HMCN1: variants seen among roughly 807,000 people sequenced by gnomAD.
The protein encoded by HMCN1 is hemicentin-1.
Under a neutral mutation model 625.9 loss-of-function variants are expected in HMCN1, and 321 were observed. The ratio of observed to expected loss-of-function variants is 0.51; its 90% CI spans 0.47 to 0.56. The LOEUF is 0.56. Among genes scored for constraint, HMCN1 ranks in the 20% least tolerant of loss-of-function variants. HMCN1 has a pLI of 0.00. For missense variants in HMCN1, 6,588 were observed against 6,887.3 expected, an observed-to-expected ratio of 0.96 and a Z score of 1.54; for synonymous variants, 2,425 against 2,417.6, an observed-to-expected ratio of 1.00 and a Z score of -0.09.
At chr1:185,885,597 C>G (rs1020443470) in intron 4 of HMCN1, among the ~76,000 whole-genome samples, 4 of 151,228 alleles carry the variant, frequency 2.6e-5, no homozygotes, top group Non-Finnish European at 5.9e-5. Flanking sequence ...TTTCTATATT[C>G]AGTCCTCTAA....
intron 11 of HMCN1, among the ~76,000 whole-genome samples, chr1:185,956,088 T>A (rs1343276098): frequency 6.6e-6 from 1 of 152,152 alleles, no homozygotes; most frequent in African/African-American, 2.4e-5. Flanking sequence ...TTAATCATAT[T>A]ATATATACAC....
At chr1:185,912,630 GT>G (rs1666487637) in intron 6 of HMCN1, among the ~76,000 whole-genome samples, 1 of 151,872 alleles carries the variant, frequency 6.6e-6, no homozygotes, top group Non-Finnish European at 1.5e-5. Context: ...TGTCTTGGAG[GT>G]TTTTTCCTAG....
chr1:185,957,967 A>G (rs1016967850), intron 11 of HMCN1, among the ~76,000 whole-genome samples: 1 of 152,206 alleles, frequency 6.6e-6, no homozygotes, highest in African/African-American at 2.4e-5. Flanking sequence ...AAAACAGAGG[A>G]AAAAAATCTA....
intron 3 of HMCN1, among the ~76,000 whole-genome samples, 133 bp from the exon 4 acceptor site, chr1:185,865,582 TACACACACACACACACACACACACAC>T (rs56891910): frequency 3.7e-5 from 5 of 135,196 alleles, no homozygotes; most frequent in East Asian, 2.5e-4. Flanking sequence ...TATATAAGCA[TACACACACACACACACACACACACAC>T]ACACACACAC....
At chr1:185,847,864 G>A (rs1431339804) in intron 2 of HMCN1, among the ~76,000 whole-genome samples, 2 of 151,892 alleles carry the variant, frequency 1.3e-5, no homozygotes, top group Non-Finnish European at 2.9e-5. Flanking sequence ...GAGGGTGGAG[G>A]ATCACTTGAG....
chr1:185,965,739 C>A, intron 13 of HMCN1, 63 bp from the exon 14 acceptor site: 1 of 936,324 alleles, frequency 1.1e-6, no homozygotes, highest in Non-Finnish European at 1.8e-6. Flanking sequence ...ATTTAGTAAA[C>A]ATAAACAAAA....
chr1:186,147,390 C>CTTTTTTTTTTTTTT (rs11287093), intron 93 of HMCN1, among the ~76,000 whole-genome samples: 1 of 138,424 alleles, frequency 7.2e-6, no homozygotes. Flanking sequence ...GGCTTCATGT[C>CTTTTTTTTTTTTTT]TTTTTTTTTT....
At position 185,922,386 on chromosome 1, in the gene HMCN1, G is replaced by C. The variant is rs1438039682; in HGVS notation, c.908G>C (p.Ser303Thr). 6.2e-7 allele frequency: 1 copy of C among 1,613,390 alleles called. No homozygotes were observed. The highest frequency in any genetic ancestry group is 8.5e-7 in the Non-Finnish European group (1 of 1,179,696). The change falls in exon 7 of 107, where the codon AGC (serine) becomes ACC (threonine). Residue 303 changes from serine to threonine, a missense_variant. Ser to Thr is a moderately conservative substitution (Grantham distance 58). Transcript: ENST00000271588. ...GTCATTAAACATTTTCAGACCTCAAGCAGTGGAAGGCACTCTGTTCGCATT... is the reference window on the plus strand; with the variant it reads ...GTCATTAAACATTTTCAGACCTCAACCAGTGGAAGGCACTCTGTTCGCATT... ...EAGMWTVKTSSSGRHSVRITG... is the reference protein window; with the variant it reads ...EAGMWTVKTSTSGRHSVRITG...
chr1:185,867,553 G>A (rs1663337146), intron 4 of HMCN1, among the ~76,000 whole-genome samples: 1 of 152,170 alleles, frequency 6.6e-6, no homozygotes, highest in Admixed American at 6.5e-5. Context: ...TATATCACTT[G>A]CTTAGAGTTT....
At chr1:185,877,786 T>C (rs1664052536) in intron 4 of HMCN1, among the ~76,000 whole-genome samples, 1 of 152,072 alleles carries the variant, frequency 6.6e-6, no homozygotes, top group African/African-American at 2.4e-5. Flanking sequence ...CAGGTTTGTA[T>C]AAGCAAATTT....
Position 185,823,642 on chromosome 1 carries a change from A to G in HMCN1, c.269-22384A>G, listed in dbSNP as rs181975743. The stretch of plus-strand genomic sequence containing the variant: ...TTTTAGTGAAATCCAAGTCAGCTCC[A>G]CTGAGCTGTTCACATGACTGAATGC... On this transcript the variant is annotated intron_variant, in intron 1 of 106. Transcript: ENST00000271588. 7.6e-4 allele frequency among the ~76,000 whole-genome samples: 115 copies of G among 152,268 alleles called. 1 individual carries two copies. The highest frequency in any genetic ancestry group is 4.1e-4 in the South Asian group (2 of 4,826).
intron 75 of HMCN1, among the ~76,000 whole-genome samples, chr1:186,116,427 T>TATATAC (rs1382686238): frequency 1.3e-5 from 2 of 150,482 alleles, no homozygotes; most frequent in African/African-American, 4.9e-5. Flanking sequence ...ACTAAATATA[T>TATATAC]ATATATATAC....
intron 1 of HMCN1, among the ~76,000 whole-genome samples, chr1:185,815,690 T>C (rs1309757317): frequency 2.0e-5 from 3 of 149,962 alleles, no homozygotes; most frequent in Non-Finnish European, 4.4e-5. Context: ...AAAAGACCGA[T>C]CTTAGTATGT....
Position 185,968,397 on chromosome 1 carries a change from A to T in HMCN1, c.2213-1938A>T, listed in dbSNP as rs546745776. ...TTGAAAATACAATTTTAAAAATATA[A>T]TATGTTCATTATGCTAAAATGTCAT... On this transcript the variant is annotated intron_variant, in intron 14 of 106. Transcript: ENST00000271588. 1.2e-4 allele frequency among the ~76,000 whole-genome samples: 19 copies of T among 152,050 alleles called. 1 individual carries two copies. The highest frequency in any genetic ancestry group is 1.5e-5 in the Non-Finnish European group (1 of 67,934).
At chr1:186,090,482 GTAATT>G (rs1190414879) in intron 63 of HMCN1, among the ~76,000 whole-genome samples, 4 of 151,956 alleles carry the variant, frequency 2.6e-5, no homozygotes, top group African/African-American at 9.7e-5. Context: ...TAATCTAAGA[GTAATT>G]TAATTTGGCC....
chr1:185,949,397 C>G (rs1668523605), intron 11 of HMCN1, among the ~76,000 whole-genome samples: 2 of 151,710 alleles, frequency 1.3e-5, no homozygotes, highest in African/African-American at 2.4e-5. Context: ...TGGGCTGTAC[C>G]CTGTAGCATT....
chr1:185,933,854 G>T, intron 11 of HMCN1, 30 bp downstream of exon 11: 1 of 1,606,162 alleles, frequency 6.2e-7, no homozygotes, highest in South Asian at 1.1e-5. Context: ...TCTGAATTAT[G>T]ACATCTTTCT....
At chr1:186,016,491 C>G (rs958937260) in intron 32 of HMCN1, among the ~76,000 whole-genome samples, 1 of 151,986 alleles carries the variant, frequency 6.6e-6, no homozygotes, top group African/African-American at 2.4e-5. Context: ...ATTTTTACGT[C>G]TATGACAATG....
intron 1 of HMCN1, among the ~76,000 whole-genome samples, chr1:185,755,898 T>C (rs1219375128): frequency 6.6e-6 from 1 of 152,124 alleles, no homozygotes; most frequent in African/African-American, 2.4e-5. Context: ...TTTTAAATCT[T>C]TCAACTTGGG....
Sources: allele counts gnomAD v4.1 joint callset (sites outside exome capture counted in the v4.1 genomes callset), GRCh38; gene constraint gnomAD v4.1.1; transcripts MANE v1.5; gene names NCBI Gene and HGNC (gene_info 2026-07-23, HGNC 2026-07-21).